Variants in RRM2 observed in about 807,000 individuals in gnomAD.
RRM2 encodes ribonucleotide reductase regulatory subunit M2, also known as ribonucleoside-diphosphate reductase subunit M2.
A neutral mutation model predicts 45.9 loss-of-function variants in RRM2; 6 were observed. The ratio of observed to expected loss-of-function variants is 0.13; its 90% CI spans 0.07 to 0.26. The LOEUF is 0.26. Ranked by LOEUF, RRM2 falls within the 10% of genes least tolerant of loss-of-function variation. The pLI, the probability that RRM2 is intolerant of heterozygous loss-of-function variation, is 1.00. For missense variants in RRM2, 343 were observed against 489.5 expected, an observed-to-expected ratio of 0.70 and a Z score of 2.82; for synonymous variants, 177 against 173.0, an observed-to-expected ratio of 1.02 and a Z score of -0.18.
At chr2:10,164,832 C>G (rs979371560) in intron 3 of RRM2, among the ~76,000 whole-genome samples, 2 of 152,198 alleles carry the variant, frequency 1.3e-5, no homozygotes, top group African/African-American at 4.8e-5. Flanking sequence ...TGTGAGGCTA[C>G]TCAACCAAGC....
In RRM2 at chr2:10,123,233, C is replaced by T. The variant is rs556674790; in HGVS notation, c.175-154C>T. The T allele has an allele frequency of 6.2e-5, 79 of 1,280,650 alleles. No individual in the cohort carries two copies. The South Asian group carries it at 8.6e-4, about 14-fold the overall frequency. 79.3% of individuals were successfully genotyped at this position (1,280,650 alleles called of 1,614,324 possible). ...GCCCATTTCCCGGTTCGGGCGTGCG[C>T]TCCTCTGCTGCGACCCACGGAGTGC... On this transcript the variant is annotated intron_variant, in intron 2 of 9. Transcript: ENST00000304567.
exon 4 of RRM2, chr2:10,210,739 G>A (rs929511574): frequency 5.0e-6 from 3 of 603,002 alleles, no homozygotes; most frequent in South Asian, 1.8e-5. Flanking sequence ...TGGACTGAAT[G>A]CCTGTGTCCC....
downstream of RRM2, among the ~76,000 whole-genome samples, chr2:10,136,355 G>T (rs1429863330): frequency 6.6e-6 from 1 of 152,242 alleles, no homozygotes; most frequent in Non-Finnish European, 1.5e-5. Context: ...CCTGGGTGTG[G>T]GTGGGCCTCC....
At chr2:10,161,575 A>AAAC (rs1463252024) in intron 3 of RRM2, among the ~76,000 whole-genome samples, 1 of 152,064 alleles carries the variant, frequency 6.6e-6, no homozygotes, top group Non-Finnish European at 1.5e-5. Flanking sequence ...CACTATTTAA[A>AAAC]AACACTTCTA....
chr2:10,190,884 G>A (rs1188421429), intron 3 of RRM2, among the ~76,000 whole-genome samples: 1 of 152,116 alleles, frequency 6.6e-6, no homozygotes, highest in Non-Finnish European at 1.5e-5. Context: ...GATGGTGATG[G>A]TGACGATGGT....
chr2:10,206,217 G>C (rs1195870126), intron 3 of RRM2, among the ~76,000 whole-genome samples: 1 of 145,898 alleles, frequency 6.9e-6, no homozygotes, highest in Non-Finnish European at 1.5e-5. Flanking sequence ...CTGTACTCCA[G>C]CCTGGGCAAC....
At chr2:10,124,109 T>A in intron 4 of RRM2, 2 of 12,860 alleles carry the variant, frequency 1.6e-4, no homozygotes, top group South Asian at 2.3e-3. Flanking sequence ...CTGCCCCCTC[T>A]TTTTTTTTTT....
At chr2:10,190,517 G>A (rs1664275974) in intron 3 of RRM2, among the ~76,000 whole-genome samples, 1 of 148,602 alleles carries the variant, frequency 6.7e-6, no homozygotes, top group Non-Finnish European at 1.5e-5. Context: ...TGATAATAAT[G>A]ACGGTGGTAA....
intron 3 of RRM2, among the ~76,000 whole-genome samples, chr2:10,148,686 A>G (rs1210236130): frequency 6.6e-6 from 1 of 152,180 alleles, no homozygotes; most frequent in Non-Finnish European, 1.5e-5. Flanking sequence ...CTTTCATAGA[A>G]ATTACCTTGT....
chr2:10,136,166 G>A (rs1662986508), downstream of RRM2, among the ~76,000 whole-genome samples: 1 of 152,144 alleles, frequency 6.6e-6, no homozygotes, highest in African/African-American at 2.4e-5. Context: ...GGTAGGGTGT[G>A]GTCAAATGAC....
chr2:10,173,685 A>G (rs1663851918), intron 3 of RRM2, among the ~76,000 whole-genome samples: 1 of 152,260 alleles, frequency 6.6e-6, no homozygotes. Context: ...CCCGATGCAC[A>G]GTCTCCTTCT....
At chr2:10,150,310 G>A (rs776775290) in intron 3 of RRM2, among the ~76,000 whole-genome samples, 2 of 152,028 alleles carry the variant, frequency 1.3e-5, no homozygotes, top group Admixed American at 6.6e-5. Context: ...AGTCAGGCAC[G>A]GTGGCAGGTG....
chr2:10,124,719 G>A lies in RRM2; in HGVS notation c.438G>A (p.Val146=). ...ASDGIVNENL[V]ERFSQEVQIT... ...ACTTTGATGTGTTTTGCCACTAGGT[G>A]GAGCGATTTAGCCAAGAAGTTCAGA... The change falls in exon 5 of 10, where the codon GTG becomes GTA. Residue 146 remains valine, a splice_region_variant and synonymous_variant. Transcript: ENST00000304567. 1 of 1,611,486 alleles carries A rather than the reference G, an allele frequency of 6.2e-7. No homozygotes were observed.
intron 3 of RRM2, among the ~76,000 whole-genome samples, chr2:10,197,636 G>GT (rs1664445151): frequency 6.6e-6 from 1 of 152,166 alleles, no homozygotes; most frequent in African/African-American, 2.4e-5. Flanking sequence ...CCAGGGGAGG[G>GT]TGTTACTGAG....
rs1053826069 is a variant in RRM2, at chr2:10,205,328, A to C, written n.483-4983A>C. ...GCGGCCAGTGCCCTCGGTATGTCCC[A>C]CTCAGCATCCTCCCCAGGTCAGAAC... On this transcript the variant is annotated intron_variant and non_coding_transcript_variant, in intron 3 of 3. Coordinates refer to the RRM2 transcript ENST00000381786. The surrounding 1 kb of genome is among the most constrained non-coding windows in gnomAD (Gnocchi z 4.8). Among the ~76,000 whole-genome samples the C allele has an allele frequency of 6.6e-6, 1 of 152,132 alleles. No homozygotes were observed. The highest frequency in any genetic ancestry group is 1.5e-5 in the Non-Finnish European group (1 of 68,030).
rs1663825246 is a variant in RRM2 at position 10,172,563 on chromosome 2, G to A, written n.482+30188G>A. 6.6e-6 allele frequency among the ~76,000 whole-genome samples: 1 copy of A among 152,164 alleles called. No homozygotes were observed. Among genetic ancestry groups the A allele is most frequent in the Non-Finnish European group, 1.5e-5 (1 of 68,036 alleles). ...GAAATTGTGAAAATAATTGAATTATGCCTTTCCAGCTTCAAAGACAACCTG... is the reference window on the plus strand; with the variant it reads ...GAAATTGTGAAAATAATTGAATTATACCTTTCCAGCTTCAAAGACAACCTG... On this transcript the variant is annotated intron_variant and non_coding_transcript_variant, in intron 3 of 3. Coordinates refer to the RRM2 transcript ENST00000381786. This position sits in a 1 kb window ranked among gnomAD's most constrained non-coding sequence, Gnocchi z 4.9.
rs1181745209 is a variant in RRM2 at position 10,195,696 on chromosome 2, T to A, written n.483-14615T>A. Among the ~76,000 whole-genome samples the A allele has an allele frequency of 6.6e-6, 1 of 152,016 alleles. No individual in the cohort carries two copies. Among genetic ancestry groups the A allele is most frequent in the Non-Finnish European group, 1.5e-5 (1 of 68,008 alleles). ...GGTCCCCGACAGCCTCCTGCCTTTCTCCCTGACTGCCCAGCAGCAGTGTTC... is the reference window on the plus strand; with the variant it reads ...GGTCCCCGACAGCCTCCTGCCTTTCACCCTGACTGCCCAGCAGCAGTGTTC... On this transcript the variant is annotated intron_variant and non_coding_transcript_variant, in intron 3 of 3. Transcript: ENST00000381786. This position sits in a 1 kb window ranked among gnomAD's most constrained non-coding sequence, Gnocchi z 4.9.
chr2:10,194,961 C>T (rs746246358), intron 3 of RRM2, among the ~76,000 whole-genome samples: 4 of 152,194 alleles, frequency 2.6e-5, no homozygotes, highest in Non-Finnish European at 4.4e-5. Flanking sequence ...CTCAGCGGTG[C>T]GGGTAACCTG....
upstream of RRM2, among the ~76,000 whole-genome samples, chr2:10,139,673 G>A (rs755611236): frequency 6.6e-6 from 1 of 152,152 alleles, no homozygotes; most frequent in Non-Finnish European, 1.5e-5. Flanking sequence ...CCCAGCCTTC[G>A]GTTTTGCTCT....
Sources: allele counts gnomAD v4.1 joint callset (sites outside exome capture counted in the v4.1 genomes callset), GRCh38; gene constraint gnomAD v4.1.1; non-coding constraint Gnocchi (gnomAD v3.1); transcripts MANE v1.5; gene names NCBI Gene and HGNC (gene_info 2026-07-23, HGNC 2026-07-21).